Variants in PPARGC1A observed in about 807,000 individuals in gnomAD.
The protein encoded by PPARGC1A is peroxisome proliferator-activated receptor gamma coactivator 1-alpha.
Under a neutral mutation model 88.7 loss-of-function variants are expected in PPARGC1A, and 25 were observed. The ratio of observed to expected loss-of-function variants is 0.28; its 90% CI spans 0.21 to 0.39. The LOEUF is 0.39. Among genes scored for constraint, PPARGC1A ranks in the 10% least tolerant of loss-of-function variants. The pLI is 1.00. For synonymous variants in PPARGC1A, 363 were observed against 355.6 expected (o/e 1.02, Z -0.24); for missense variants, 880 against 968.7 (o/e 0.91, Z 1.22).
chr4:24,356,216 A>G, the PPARGC1A span, among the ~76,000 whole-genome samples: 32,744 of 150,322 alleles, frequency 0.22, 3,540 homozygotes, highest in East Asian at 0.25. Context: ...AAAAAAAAAA[A>G]AGAGAGAGAG....
At chr4:23,933,083 G>A in the PPARGC1A span, among the ~76,000 whole-genome samples, 1 of 152,200 alleles carries the variant, frequency 6.6e-6, no homozygotes, top group Non-Finnish European at 1.5e-5. Context: ...CCAATGCCTG[G>A]AGCTTCTTCC....
chr4:23,857,372 T>TGTGTG (rs1553893626), intron 2 of PPARGC1A, among the ~76,000 whole-genome samples: 2 of 111,520 alleles, frequency 1.8e-5, no homozygotes, highest in Non-Finnish European at 3.7e-5. Context: ...TGTGTGTGTG[T>TGTGTG]GACACACACA....
the PPARGC1A span, among the ~76,000 whole-genome samples, chr4:24,023,317 T>A: frequency 0.18 from 27,642 of 152,046 alleles, 2,939 homozygotes; most frequent in Admixed American, 0.34. Flanking sequence ...GCTTAAGTTA[T>A]AAAAAAGTTT....
chr4:24,145,078 AGTGTGTGT>A, the PPARGC1A span, among the ~76,000 whole-genome samples: 3,155 of 144,310 alleles, frequency 0.022, 110 homozygotes, highest in African/African-American at 0.069. Context: ...GTGTTGAATG[AGTGTGTGT>A]GTGTGTGTGT....
chr4:24,284,129 CAA>C, the PPARGC1A span, among the ~76,000 whole-genome samples: 4,556 of 117,880 alleles, frequency 0.039, 191 homozygotes, highest in African/African-American at 0.11. Context: ...CTAAAAATAC[CAA>C]AAAAAAAAAA....
At chr4:24,105,566 T>G in the PPARGC1A span, among the ~76,000 whole-genome samples, 1 of 152,312 alleles carries the variant, frequency 6.6e-6, no homozygotes, top group East Asian at 1.9e-4. Context: ...ATTCAGTATG[T>G]CTGGAGTCGT....
At chr4:24,324,335 G>A in the PPARGC1A span, among the ~76,000 whole-genome samples, 5 of 151,914 alleles carry the variant, frequency 3.3e-5, no homozygotes, top group Admixed American at 1.3e-4. Context: ...CCCCCCAGTC[G>A]CTTATTTCCG....
chr4:23,940,054 A>G, the PPARGC1A span, among the ~76,000 whole-genome samples: 1 of 152,184 alleles, frequency 6.6e-6, no homozygotes, highest in Non-Finnish European at 1.5e-5. Context: ...CTAGAGCTCT[A>G]ACTTCTCAAG....
the PPARGC1A span, among the ~76,000 whole-genome samples, chr4:23,981,973 G>T: frequency 6.6e-6 from 1 of 152,060 alleles, no homozygotes; most frequent in African/African-American, 2.4e-5. Flanking sequence ...GAAAATGTAA[G>T]GCCAACATAA....
At chr4:23,966,125 A>C in the PPARGC1A span, among the ~76,000 whole-genome samples, 1 of 152,198 alleles carries the variant, frequency 6.6e-6, no homozygotes, top group Non-Finnish European at 1.5e-5. Flanking sequence ...TGTAAACAAT[A>C]TTGTTAAACA....
At chr4:24,041,360 C>T in the PPARGC1A span, among the ~76,000 whole-genome samples, 2 of 152,184 alleles carry the variant, frequency 1.3e-5, no homozygotes, top group Admixed American at 6.5e-5. Context: ...AGTATTCCCT[C>T]TCTAACAGTG....
At chr4:24,288,874 A>G in the PPARGC1A span, among the ~76,000 whole-genome samples, 7 of 152,166 alleles carry the variant, frequency 4.6e-5, no homozygotes, top group Admixed American at 1.3e-4. Flanking sequence ...TTAGTTACCA[A>G]TGCTTTTTGC....
chr4:23,873,145 C>T (rs1020714245), intron 2 of PPARGC1A, among the ~76,000 whole-genome samples: 4 of 140,578 alleles, frequency 2.8e-5, no homozygotes, highest in African/African-American at 1.0e-4. Flanking sequence ...TTGCAGTGAG[C>T]CAAGATTGTG....
the PPARGC1A span, among the ~76,000 whole-genome samples, chr4:24,245,925 G>GCACACACACA: frequency 7.8e-4 from 116 of 148,478 alleles, 1 homozygote; most frequent in Middle Eastern, 3.5e-3. Flanking sequence ...AAAGCCATGT[G>GCACACACACA]CACACACACA....
the PPARGC1A span, among the ~76,000 whole-genome samples, chr4:23,942,769 C>A: frequency 6.6e-6 from 1 of 152,146 alleles, no homozygotes; most frequent in Non-Finnish European, 1.5e-5. Context: ...TGTTCTGAGT[C>A]CAATATTTAC....
the PPARGC1A span, among the ~76,000 whole-genome samples, chr4:23,969,970 C>G: frequency 1.6e-4 from 25 of 152,266 alleles, no homozygotes; most frequent in African/African-American, 6.0e-4. Context: ...AGAAACCATT[C>G]TATCCAACAT....
intron 7 of PPARGC1A, among the ~76,000 whole-genome samples, chr4:23,823,711 G>C (rs57986075): frequency 1.3e-5 from 2 of 151,904 alleles, no homozygotes; most frequent in East Asian, 3.9e-4. Context: ...ACATATGTGT[G>C]AGTCTGCACA....
chr4:24,466,747 T>G, the PPARGC1A span, among the ~76,000 whole-genome samples: 1 of 151,648 alleles, frequency 6.6e-6, no homozygotes, highest in South Asian at 2.1e-4. Context: ...AAACCTCATC[T>G]CTACTAAAAT....
intron 12 of PPARGC1A, among the ~76,000 whole-genome samples, chr4:23,799,663 T>C (rs1560314641): frequency 6.6e-6 from 1 of 152,118 alleles, no homozygotes; most frequent in Non-Finnish European, 1.5e-5. Context: ...AGCTTAGCAA[T>C]GGCAAAGTTT....
Sources: allele counts gnomAD v4.1 joint callset (sites outside exome capture counted in the v4.1 genomes callset), GRCh38; gene constraint gnomAD v4.1.1; transcripts MANE v1.5; gene names NCBI Gene and HGNC (gene_info 2026-07-23, HGNC 2026-07-21).